MAPKAP1: variants seen among roughly 807,000 people sequenced by gnomAD.
MAPKAP1 encodes MAPK associated protein 1.
A neutral mutation model predicts 65.7 loss-of-function variants in MAPKAP1; 20 were observed. The ratio of observed to expected loss-of-function variants is 0.30; its 90% CI spans 0.21 to 0.44. The LOEUF (loss-of-function observed/expected upper bound fraction) is 0.44. Ranked by LOEUF, MAPKAP1 falls within the 20% of genes least tolerant of loss-of-function variation. The pLI is 1.00. For synonymous variants in MAPKAP1, 222 were observed against 244.3 expected (o/e 0.91, Z 0.85); for missense variants, 423 against 648.0 (o/e 0.65, Z 3.77).
intron 10 of MAPKAP1, among the ~76,000 whole-genome samples, chr9:125,467,444 C>A (rs1043787449): frequency 1.3e-5 from 2 of 152,176 alleles, no homozygotes; most frequent in Non-Finnish European, 2.9e-5. Flanking sequence ...TTCTGTAGGA[C>A]CAGGCAAGAG....
chr9:125,462,551 CT>C (rs1300133735), intron 10 of MAPKAP1, among the ~76,000 whole-genome samples: 1 of 152,194 alleles, frequency 6.6e-6, no homozygotes, highest in African/African-American at 2.4e-5. Flanking sequence ...CCATCTATAG[CT>C]TTCCAAAAAC....
intron 9 of MAPKAP1, among the ~76,000 whole-genome samples, chr9:125,473,273 G>A (rs930578611): frequency 1.4e-4 from 22 of 152,006 alleles, no homozygotes; most frequent in African/African-American, 4.8e-4. Context: ...GGGGCTGGCC[G>A]GGAGCAGCCA....
chr9:125,444,648 C>CG, intron 10 of MAPKAP1, 50 bp from the exon 11 acceptor site: 1 of 1,307,236 alleles, frequency 7.6e-7, no homozygotes, highest in Admixed American at 1.8e-5. Context: ...TTAACTATGG[C>CG]GGGGGCCTCC....
intron 10 of MAPKAP1, among the ~76,000 whole-genome samples, chr9:125,446,069 CG>C (rs1200559055): frequency 6.6e-6 from 1 of 152,150 alleles, no homozygotes; most frequent in Non-Finnish European, 1.5e-5. Flanking sequence ...ATTGAAGCAG[CG>C]GCTGGTCATA....
intron 6 of MAPKAP1, among the ~76,000 whole-genome samples, chr9:125,551,365 A>G (rs944096595): frequency 6.6e-6 from 1 of 152,152 alleles, no homozygotes; most frequent in Middle Eastern, 3.2e-3. Flanking sequence ...GAATGAACCT[A>G]GGGCACGCCT....
chr9:125,628,005 C>T (rs964262398), intron 4 of MAPKAP1, among the ~76,000 whole-genome samples: 2 of 152,172 alleles, frequency 1.3e-5, no homozygotes, highest in African/African-American at 4.8e-5. Context: ...TGCAAAGTGA[C>T]TACTGAATGT....
chr9:125,438,355 T>G lies in MAPKAP1; in HGVS notation c.*532A>C. The G allele has an allele frequency of 2.5e-6, 1 of 399,198 alleles. No homozygotes were observed. The highest frequency in any genetic ancestry group is 4.4e-6 in the Non-Finnish European group (1 of 226,308). 24.7% of individuals were successfully genotyped at this position (399,198 alleles called of 1,614,324 possible). On this transcript the variant is annotated 3_prime_UTR_variant, in exon 12 of 12. Transcript: ENST00000265960. ...TATTGACTAAGACCTAAACATTTCT[T>G]CTGAGAAATCGAACCATAGCTTTTC...
intron 10 of MAPKAP1, 44 bp downstream of exon 10, chr9:125,467,928 A>G (rs1195580677): frequency 6.2e-7 from 1 of 1,601,876 alleles, no homozygotes; most frequent in South Asian, 1.1e-5. Flanking sequence ...AAGAGAAGAG[A>G]GGGGAAAGAG....
intron 1 of MAPKAP1, among the ~76,000 whole-genome samples, chr9:125,676,176 C>A (rs1834637957): frequency 6.6e-6 from 1 of 152,130 alleles, no homozygotes; most frequent in East Asian, 1.9e-4. Context: ...AAAACTGGGA[C>A]TTTTTAGACG....
intron 9 of MAPKAP1, among the ~76,000 whole-genome samples, chr9:125,479,308 G>A (rs1214839061): frequency 2.0e-5 from 3 of 152,136 alleles, no homozygotes; most frequent in African/African-American, 7.2e-5. Flanking sequence ...GGCCGGGCAC[G>A]GTGGCTCACG....
intron 9 of MAPKAP1, chr9:125,471,818 A>G (rs1306824576): frequency 1.3e-5 from 2 of 152,352 alleles, no homozygotes; most frequent in Non-Finnish European, 1.5e-5. Flanking sequence ...CTCGGGCACC[A>G]GCGATCATTC....
chr9:125,558,867 C>T (rs1331058353), intron 6 of MAPKAP1, among the ~76,000 whole-genome samples: 1 of 152,204 alleles, frequency 6.6e-6, no homozygotes, highest in Non-Finnish European at 1.5e-5. Flanking sequence ...TGTAGGCAAA[C>T]AATCACAGCA....
intron 8 of MAPKAP1, chr9:125,505,944 C>T (rs1829126526): frequency 4.0e-6 from 1 of 249,062 alleles, no homozygotes; most frequent in African/African-American, 2.2e-5. Flanking sequence ...TTAAAATTTT[C>T]TAAAACCTGA....
intron 10 of MAPKAP1, 34 bp from the exon 11 acceptor site, chr9:125,444,632 G>C (rs776442744): frequency 6.6e-7 from 1 of 1,511,190 alleles, no homozygotes; most frequent in Non-Finnish European, 9.1e-7. Context: ...GAGGGGTTCT[G>C]GTGAGTTAAC....
At chr9:125,573,404 T>A (rs1239741962) in intron 5 of MAPKAP1, among the ~76,000 whole-genome samples, 1 of 152,156 alleles carries the variant, frequency 6.6e-6, no homozygotes, top group African/African-American at 2.4e-5. Context: ...CATGGCAACA[T>A]CAGGAAGTAA....
At chr9:125,581,842 T>TAA (rs545388977) in intron 5 of MAPKAP1, among the ~76,000 whole-genome samples, 1 of 147,618 alleles carries the variant, frequency 6.8e-6, no homozygotes, top group Non-Finnish European at 1.5e-5. Context: ...ACCATTTGTT[T>TAA]AAAAAAAAAA....
At chr9:125,701,836 G>C (rs1421699519) in intron 1 of MAPKAP1, among the ~76,000 whole-genome samples, 4 of 152,180 alleles carry the variant, frequency 2.6e-5, no homozygotes, top group African/African-American at 9.7e-5. Context: ...CTATACTTTA[G>C]CTTGATTATA....
chr9:125,517,288 T>C (rs1451835597), intron 7 of MAPKAP1, among the ~76,000 whole-genome samples: 2 of 151,582 alleles, frequency 1.3e-5, no homozygotes, highest in African/African-American at 2.4e-5. Flanking sequence ...CAGGGAAGAG[T>C]AGGAAGTTGA....
chr9:125,457,574 T>C (rs1853234576), intron 10 of MAPKAP1, among the ~76,000 whole-genome samples: 1 of 152,242 alleles, frequency 6.6e-6, no homozygotes, highest in Non-Finnish European at 1.5e-5. Context: ...TATTACACTG[T>C]AGGTGTCTGC....
Sources: allele counts gnomAD v4.1 joint callset (sites outside exome capture counted in the v4.1 genomes callset), GRCh38; gene constraint gnomAD v4.1.1; transcripts MANE v1.5; gene names NCBI Gene and HGNC (gene_info 2026-07-23, HGNC 2026-07-21).